PTGR1: variants seen among roughly 807,000 people sequenced by gnomAD.
The protein encoded by PTGR1 is prostaglandin reductase 1.
PTGR1 carries 23 observed loss-of-function variants against 37.7 expected under a neutral mutation model. That is an observed-to-expected ratio of 0.61 (90% confidence interval 0.44 to 0.86). The LOEUF (loss-of-function observed/expected upper bound fraction) is 0.86, where lower values mean the gene tolerates loss of function less well. Ranked by LOEUF, PTGR1 falls within the 40% of genes least tolerant of loss-of-function variation. PTGR1 has a pLI of 0.00. For synonymous variants in PTGR1, 134 were observed against 140.0 expected (o/e 0.96, Z 0.30); for missense variants, 351 against 394.3 (o/e 0.89, Z 0.93).
At chr9:111,593,930 T>G (rs996079360) in intron 3 of PTGR1, among the ~76,000 whole-genome samples, 2 of 150,766 alleles carry the variant, frequency 1.3e-5, no homozygotes, top group Non-Finnish European at 3.0e-5. Flanking sequence ...GTTTTTTTTT[T>G]CCTTCTTTTT....
Position 111,594,344 on chromosome 9 carries a change from C to T in PTGR1, c.107-77G>A, listed in dbSNP as rs376753476. ...ACAATAGACACTGAGCACCACTAGACAGGAGGGGTGAGACAGGGACAAGGG... is the reference window on the plus strand; with the variant it reads ...ACAATAGACACTGAGCACCACTAGATAGGAGGGGTGAGACAGGGACAAGGG... On this transcript the variant is annotated intron_variant, in intron 2 of 9. Transcript: ENST00000407693. 408 of 1,311,820 alleles carry T rather than the reference C, an allele frequency of 3.1e-4. No individual in the cohort carries two copies. In the Middle Eastern group the frequency reaches 5.8e-3, roughly 19 times the overall value. 81.3% of individuals were successfully genotyped at this position (1,311,820 alleles called of 1,614,324 possible). A position where few individuals can be genotyped will look rare whatever the true frequency, so the allele number is the denominator to read the frequency against.
At chr9:111,583,750 C>T (rs938467447) in intron 5 of PTGR1, among the ~76,000 whole-genome samples, 161 bp from the exon 6 acceptor site, 11 of 152,172 alleles carry the variant, frequency 7.2e-5, no homozygotes, top group Non-Finnish European at 1.3e-4. Flanking sequence ...GCTTTACTTC[C>T]TCCATCTCTA....
intron 9 of PTGR1, among the ~76,000 whole-genome samples, chr9:111,553,569 AATC>A (rs764874036): frequency 1.3e-5 from 2 of 152,228 alleles, no homozygotes; most frequent in Non-Finnish European, 2.9e-5. Context: ...TCTGAACTCA[AATC>A]AATCTGTTGA....
At chr9:111,595,653 A>G (rs2132444866) in intron 2 of PTGR1, among the ~76,000 whole-genome samples, 1 of 151,930 alleles carries the variant, frequency 6.6e-6, no homozygotes, top group East Asian at 1.9e-4. Context: ...ATTTTTTTTG[A>G]GATGGAGTCT....
chr9:111,583,571 GC>G lies in PTGR1; in HGVS notation c.395del (p.Gly132AlafsTer8). 6.2e-7 allele frequency: 1 copy of G among 1,611,134 alleles called. No individual in the cohort carries two copies. On this transcript the variant is annotated frameshift_variant, in exon 6 of 10. Transcript: ENST00000407693. LOFTEE classifies it high-confidence loss of function. ...VGMPGLTAYF[G>X]LLEICGVKGG... ...CCTTCACACCACAGATTTCAAGTAG[GC>G]CAAAGTAGGCAGTCAGGCTAAAGGA...
chr9:111,561,165 G>GAGAA (rs1828306091), downstream of PTGR1, among the ~76,000 whole-genome samples: 1 of 142,230 alleles, frequency 7.0e-6, no homozygotes, highest in African/African-American at 2.6e-5. Context: ...GAGAGAGAGA[G>GAGAA]AGAGAGAGAG....
intron 9 of PTGR1, among the ~76,000 whole-genome samples, chr9:111,569,056 G>A (rs1828698103): frequency 6.6e-6 from 1 of 152,208 alleles, no homozygotes; most frequent in Non-Finnish European, 1.5e-5. Context: ...TCTGAATATG[G>A]AGCATGTTGA....
chr9:111,587,459 T>C (rs1156909221), intron 4 of PTGR1, among the ~76,000 whole-genome samples: 1 of 152,194 alleles, frequency 6.6e-6, no homozygotes, highest in Non-Finnish European at 1.5e-5. Context: ...ATGTATTTAT[T>C]TATTTATTTT....
intron 9 of PTGR1, among the ~76,000 whole-genome samples, chr9:111,564,907 C>T (rs560724814): frequency 4.6e-5 from 7 of 151,718 alleles, no homozygotes; most frequent in African/African-American, 1.2e-4. Context: ...GTGGATCACC[C>T]GAGGTCAGGA....
chr9:111,588,149 G>T (rs1829497679), intron 4 of PTGR1, among the ~76,000 whole-genome samples: 1 of 150,732 alleles, frequency 6.6e-6, no homozygotes, highest in South Asian at 2.1e-4. Context: ...CTGAGTAGCT[G>T]GGACCGAGTA....
At chr9:111,596,587 C>T (rs10980957) in intron 2 of PTGR1, among the ~76,000 whole-genome samples, 6,535 of 147,628 alleles carry the variant, frequency 0.044, 178 homozygotes, top group South Asian at 0.06. Flanking sequence ...TCCATCTCTA[C>T]TAAAAATACA....
intron 9 of PTGR1, chr9:111,564,092 A>G (rs888215806): frequency 4.7e-5 from 10 of 212,220 alleles, no homozygotes; most frequent in Non-Finnish European, 7.4e-5. Context: ...GGCACAGCCT[A>G]CTAATGGGAA....
downstream of PTGR1, among the ~76,000 whole-genome samples, chr9:111,561,148 G>GGAGAGAGAGA (rs527553902): frequency 8.6e-5 from 3 of 34,834 alleles, no homozygotes; most frequent in African/African-American, 1.4e-4. Context: ...GGAGAGAGAG[G>GGAGAGAGAGA]GAGAGAGAGA....
chr9:111,560,944 AATATATATATATATAT>A (rs746101013), downstream of PTGR1, among the ~76,000 whole-genome samples: 57 of 31,204 alleles, frequency 1.8e-3, no homozygotes, highest in Non-Finnish European at 2.6e-3. Flanking sequence ...CTCCATCTAA[AATATATATATATATAT>A]ATATATATAT....
downstream of PTGR1, among the ~76,000 whole-genome samples, chr9:111,560,813 C>T (rs1353312359): frequency 2.8e-5 from 4 of 143,728 alleles, no homozygotes; most frequent in African/African-American, 7.8e-5. Flanking sequence ...CATGGTGGCT[C>T]ATGCCTGTAA....
intron 9 of PTGR1, 27 bp from the exon 10 acceptor site, chr9:111,563,258 A>C: frequency 1.9e-6 from 3 of 1,596,842 alleles, no homozygotes; most frequent in Non-Finnish European, 2.6e-6. Flanking sequence ...ACAAATTTTA[A>C]AACTTAATTT....
At chr9:111,555,573 G>T (rs1828098470) in intron 9 of PTGR1, among the ~76,000 whole-genome samples, 1 of 152,188 alleles carries the variant, frequency 6.6e-6, no homozygotes, top group Admixed American at 6.5e-5. Flanking sequence ...AGTTCCGCAG[G>T]CTATACAGGA....
chr9:111,587,729 C>T (rs1025603144), intron 4 of PTGR1, among the ~76,000 whole-genome samples: 5 of 152,054 alleles, frequency 3.3e-5, no homozygotes, highest in African/African-American at 9.7e-5. Context: ...GGATTACAGG[C>T]GTGAGACACC....
At chr9:111,598,898 A>G (rs998742533) in intron 1 of PTGR1, among the ~76,000 whole-genome samples, 1 of 150,142 alleles carries the variant, frequency 6.7e-6, no homozygotes, top group African/African-American at 2.5e-5. Context: ...CTCAGAACCT[A>G]CTCCTCTCGT....
Sources: gnomAD v4.1 joint callset for allele counts (sites outside exome capture counted in the v4.1 genomes callset) on GRCh38, gnomAD v4.1.1 for gene constraint, MANE v1.5 for transcripts, NCBI Gene and HGNC (gene_info 2026-07-23, HGNC 2026-07-21) for gene names.